RPS6KC1: variants seen among roughly 807,000 people sequenced by gnomAD.
The protein encoded by RPS6KC1 is inactive ribosomal protein S6 kinase delta-1.
A neutral mutation model predicts 103.8 loss-of-function variants in RPS6KC1; 54 were observed. The observed-to-expected ratio is 0.52, with a 90% CI of 0.42 to 0.65. RPS6KC1 has a LOEUF of 0.65. RPS6KC1 is among the 30% of genes least tolerant of loss of function. The pLI, the probability that RPS6KC1 is intolerant of heterozygous loss-of-function variation, is 0.00. For missense variants in RPS6KC1, 1,151 were observed against 1,253.8 expected (o/e 0.92, Z 1.24); for synonymous variants, 439 against 438.7 (o/e 1.00, Z -0.01).
the RPS6KC1 span, among the ~76,000 whole-genome samples, chr1:213,313,960 A>G: frequency 2.0e-5 from 3 of 151,874 alleles, no homozygotes; most frequent in African/African-American, 7.3e-5. Flanking sequence ...TTAAAAAAAG[A>G]AAAAAAAGAA....
At chr1:213,366,977 G>A in the RPS6KC1 span, among the ~76,000 whole-genome samples, 191 of 152,306 alleles carry the variant, frequency 1.3e-3, 1 homozygote, top group African/African-American at 3.9e-3. Context: ...TGAAGATAGA[G>A]GTCGTAGTCT....
chr1:213,674,225 G>C, the RPS6KC1 span, among the ~76,000 whole-genome samples: 1 of 152,130 alleles, frequency 6.6e-6, no homozygotes, highest in African/African-American at 2.4e-5. Flanking sequence ...TGCCATGTTG[G>C]CCAGACTGGT....
chr1:213,504,138 T>A, the RPS6KC1 span, among the ~76,000 whole-genome samples: 1 of 152,198 alleles, frequency 6.6e-6, no homozygotes, highest in Non-Finnish European at 1.5e-5. Context: ...ATTATGATAA[T>A]TTCTTTTAAT....
the RPS6KC1 span, among the ~76,000 whole-genome samples, chr1:213,318,490 A>G: frequency 1.8e-4 from 27 of 152,354 alleles, no homozygotes; most frequent in Admixed American, 2.6e-4. Context: ...GGGGATTATT[A>G]TAAATTTGTA....
intron 3 of RPS6KC1, among the ~76,000 whole-genome samples, chr1:213,096,869 G>A (rs1572501209): frequency 6.6e-6 from 1 of 152,044 alleles, no homozygotes; most frequent in East Asian, 1.9e-4. Context: ...TGGGGGTGAG[G>A]AAGTGGCTTA....
the RPS6KC1 span, among the ~76,000 whole-genome samples, chr1:213,781,518 A>G: frequency 6.6e-6 from 1 of 152,202 alleles, no homozygotes; most frequent in Non-Finnish European, 1.5e-5. Context: ...ATTTTAGGGA[A>G]ATCATATCAT....
chr1:213,247,199 A>G (rs2094467426), intron 12 of RPS6KC1, among the ~76,000 whole-genome samples: 1 of 152,190 alleles, frequency 6.6e-6, no homozygotes, highest in Admixed American at 6.6e-5. Flanking sequence ...CTGCAGCCCG[A>G]TCTCCATGCT....
chr1:213,636,113 A>C, the RPS6KC1 span, among the ~76,000 whole-genome samples: 1 of 152,328 alleles, frequency 6.6e-6, no homozygotes, highest in Admixed American at 6.5e-5. Context: ...TCAAGGAAAT[A>C]AAAGAGGACA....
At chr1:213,522,464 C>A in the RPS6KC1 span, among the ~76,000 whole-genome samples, 3 of 152,210 alleles carry the variant, frequency 2.0e-5, no homozygotes, top group Admixed American at 6.5e-5. Flanking sequence ...GCTGCATTAA[C>A]CCCTAACAAG....
At chr1:213,662,445 T>G in the RPS6KC1 span, among the ~76,000 whole-genome samples, 1 of 149,966 alleles carries the variant, frequency 6.7e-6, no homozygotes, top group African/African-American at 2.5e-5. Context: ...TTTTTTTTTT[T>G]TTTGTATTTT....
the RPS6KC1 span, among the ~76,000 whole-genome samples, chr1:213,472,481 C>T: frequency 6.6e-6 from 1 of 152,326 alleles, no homozygotes; most frequent in East Asian, 1.9e-4. Flanking sequence ...TGTGACTCTC[C>T]TGGCCCTCTG....
downstream of RPS6KC1, among the ~76,000 whole-genome samples, chr1:213,278,662 C>G (rs949156679): frequency 1.4e-4 from 22 of 152,158 alleles, no homozygotes; most frequent in Admixed American, 1.4e-3. Context: ...ATGGGCTTCT[C>G]TGGTCTCTGA....
At chr1:213,331,168 C>A in the RPS6KC1 span, among the ~76,000 whole-genome samples, 4 of 152,184 alleles carry the variant, frequency 2.6e-5, no homozygotes, top group African/African-American at 9.6e-5. Context: ...TAAAACTTTT[C>A]TATCTGTTGA....
chr1:213,693,742 C>T, the RPS6KC1 span, among the ~76,000 whole-genome samples: 15 of 152,190 alleles, frequency 9.9e-5, no homozygotes, highest in East Asian at 1.9e-4. Flanking sequence ...TCGATGGCTA[C>T]GGAAATTTAG....
chr1:213,859,584 G>A, the RPS6KC1 span, among the ~76,000 whole-genome samples: 6 of 152,166 alleles, frequency 3.9e-5, no homozygotes, highest in Non-Finnish European at 8.8e-5. Flanking sequence ...TTTTGATAAA[G>A]TTTTATTATT....
chr1:213,849,717 C>A, the RPS6KC1 span, among the ~76,000 whole-genome samples: 1 of 152,124 alleles, frequency 6.6e-6, no homozygotes, highest in African/African-American at 2.4e-5. Flanking sequence ...ATCTATAATA[C>A]TGCACTATGT....
intron 6 of RPS6KC1, among the ~76,000 whole-genome samples, chr1:213,166,550 C>A (rs572301996): frequency 6.6e-6 from 1 of 151,900 alleles, no homozygotes. Context: ...ATTTTAATTG[C>A]GGGTTGAGGA....
the RPS6KC1 span, among the ~76,000 whole-genome samples, chr1:213,705,575 T>C: frequency 6.6e-6 from 1 of 152,236 alleles, no homozygotes; most frequent in Non-Finnish European, 1.5e-5. Flanking sequence ...AGCCAAGTCC[T>C]GGAATCACCT....
At chr1:213,184,883 C>T (rs1199207868) in intron 8 of RPS6KC1, among the ~76,000 whole-genome samples, 1 of 152,098 alleles carries the variant, frequency 6.6e-6, no homozygotes, top group Non-Finnish European at 1.5e-5. Context: ...AAAATTCGCT[C>T]ATACTTGTTT....
Sources: gnomAD v4.1 joint callset for allele counts (sites outside exome capture counted in the v4.1 genomes callset) on GRCh38, gnomAD v4.1.1 for gene constraint, MANE v1.5 for transcripts, NCBI Gene and HGNC (gene_info 2026-07-23, HGNC 2026-07-21) for gene names.